SLCO1B3: variants seen among roughly 807,000 people sequenced by gnomAD.
SLCO1B3 encodes the protein liver-specific organic anion transporter 2.
SLCO1B3 carries 72 observed loss-of-function variants against 71.8 expected under a neutral mutation model. That is an observed-to-expected ratio of 1.00 (90% CI 0.83 to 1.22). SLCO1B3 has a LOEUF of 1.22. SLCO1B3 is among the 50% of genes most tolerant of loss of function. SLCO1B3 has a pLI of 0.00. For synonymous variants in SLCO1B3, 298 were observed against 278.4 expected, an observed-to-expected ratio of 1.07 and a Z score of -0.70; for missense variants, 911 against 819.7, an observed-to-expected ratio of 1.11 and a Z score of -1.36.
chr12:20,826,823 A>G (rs893626676), intron 3 of SLCO1B3, among the ~76,000 whole-genome samples: 1 of 152,030 alleles, frequency 6.6e-6, no homozygotes, highest in African/African-American at 2.4e-5. Flanking sequence ...TGTTTCATAA[A>G]CTTTAGCCTT....
chr12:20,815,933 C>A (rs555227672), intron 3 of SLCO1B3, 111 bp downstream of exon 3: 19 of 527,758 alleles, frequency 3.6e-5, no homozygotes, highest in Non-Finnish European at 4.6e-5. Flanking sequence ...ACAATTTTTC[C>A]ATTGAAGCGT....
intron 3 of SLCO1B3, among the ~76,000 whole-genome samples, chr12:20,835,689 C>G (rs1181134981): frequency 1.3e-5 from 2 of 152,178 alleles, no homozygotes; most frequent in Non-Finnish European, 1.5e-5. Flanking sequence ...TTCAACAAGT[C>G]TCTTGGAAGT....
At position 20,862,905 on chromosome 12, in the gene SLCO1B3, C is replaced by T. The variant is rs374060675; in HGVS notation, c.727+51C>T. On this transcript the variant is annotated intron_variant, in intron 8 of 15. Coordinates refer to ENST00000381545, the MANE Select transcript of SLCO1B3 (RefSeq NM_019844.4). ...ATGATAGTGTCTTTTAAGTGCAGGA[C>T]ACCATTCTTCCAAAGAATTAAATTC... The T allele has an allele frequency of 4.6e-5, 43 of 936,990 alleles. No homozygotes were observed. In the African/African-American group the frequency reaches 6.3e-4, roughly 14 times the overall value. 58.0% of individuals were successfully genotyped at this position (936,990 alleles called of 1,614,324 possible).
At chr12:20,857,638 T>C (rs942221238) in intron 4 of SLCO1B3, among the ~76,000 whole-genome samples, 9 of 151,920 alleles carry the variant, frequency 5.9e-5, no homozygotes, top group Non-Finnish European at 1.2e-4. Context: ...ACTAACAGGA[T>C]TTTTTTTAAA....
At position 20,912,439 on chromosome 12, in the gene SLCO1B3, G is replaced by A. The variant is rs1031455477; in HGVS notation, c.1866-3565G>A. Among the ~76,000 whole-genome samples, 17 of 149,602 alleles carry A rather than the reference G, an allele frequency of 1.1e-4. 1 individual carries two copies. The highest frequency in any genetic ancestry group is 1.6e-4 in the Non-Finnish European group (11 of 67,570). On this transcript the variant is annotated intron_variant, in intron 15 of 15. Transcript: ENST00000381545. ...TGCTTCCTGGGTTCAAACAATTCTC[G>A]TGTCTTGGCCTTCTGAGTAGCGGGG...
intron 4 of SLCO1B3, among the ~76,000 whole-genome samples, chr12:20,855,424 A>T (rs1051688742): frequency 6.6e-6 from 1 of 152,070 alleles, no homozygotes; most frequent in African/African-American, 2.4e-5. Context: ...ACAAAGAATT[A>T]TCCTTCCCAA....
intron 13 of SLCO1B3, among the ~76,000 whole-genome samples, chr12:20,894,181 T>G (rs766357700): frequency 3.9e-5 from 6 of 152,194 alleles, no homozygotes; most frequent in Non-Finnish European, 8.8e-5. Flanking sequence ...ATAGCACATT[T>G]AACTTCTTAG....
intron 15 of SLCO1B3, among the ~76,000 whole-genome samples, chr12:20,903,682 C>T (rs1866173950): frequency 6.6e-6 from 1 of 152,140 alleles, no homozygotes; most frequent in Non-Finnish European, 1.5e-5. Flanking sequence ...GAGAAATCCA[C>T]CCCCAAGATC....
At chr12:20,868,615 T>G (rs1380300941) in intron 8 of SLCO1B3, among the ~76,000 whole-genome samples, 1 of 151,742 alleles carries the variant, frequency 6.6e-6, no homozygotes, top group Non-Finnish European at 1.5e-5. Context: ...GGTGGGTCTC[T>G]TACTGTGTGC....
intron 14 of SLCO1B3, among the ~76,000 whole-genome samples, chr12:20,900,999 A>G (rs1866119235): frequency 6.6e-6 from 1 of 152,204 alleles, no homozygotes; most frequent in African/African-American, 2.4e-5. Flanking sequence ...AAAATTCCAT[A>G]TGAACCAACA....
intron 13 of SLCO1B3, among the ~76,000 whole-genome samples, chr12:20,888,532 T>C (rs1208343167): frequency 6.6e-6 from 1 of 152,086 alleles, no homozygotes; most frequent in Non-Finnish European, 1.5e-5. Flanking sequence ...TTTTGTACAT[T>C]GGTTTTGTAT....
At position 20,815,411 on chromosome 12, in the gene SLCO1B3, G is replaced by T. The variant is rs374041303; in HGVS notation, c.-65-263G>T. 2.0e-5 allele frequency among the ~76,000 whole-genome samples: 3 copies of T among 151,882 alleles called. No homozygotes were observed. The East Asian group carries it at 5.8e-4, about 29-fold the overall frequency. ...TTGTTGTTCATACAATCTAGTGTGT[G>T]GTTTTATATTATTTACTTGTTTCAA... is the stretch of plus-strand genomic sequence containing the variant. On this transcript the variant is annotated intron_variant, in intron 2 of 15. Transcript: ENST00000381545.
intron 13 of SLCO1B3, among the ~76,000 whole-genome samples, chr12:20,894,377 G>A (rs1329887718): frequency 6.6e-6 from 1 of 152,078 alleles, no homozygotes; most frequent in Admixed American, 6.6e-5. Context: ...GTGGATGTAG[G>A]GGTGAGTGTG....
intron 15 of SLCO1B3, among the ~76,000 whole-genome samples, chr12:20,909,554 T>C (rs568079785): frequency 6.6e-6 from 1 of 152,212 alleles, no homozygotes; most frequent in African/African-American, 2.4e-5. Context: ...GGCCTACTTT[T>C]TAACTGTTTT....
intron 15 of SLCO1B3, chr12:20,902,409 C>A (rs1428012635): frequency 6.6e-6 from 1 of 152,280 alleles, no homozygotes; most frequent in African/African-American, 2.4e-5. Flanking sequence ...TTGTAGTTCT[C>A]TAATAATTAG....
chr12:20,835,497 C>G (rs750802411), intron 3 of SLCO1B3, among the ~76,000 whole-genome samples: 10 of 152,128 alleles, frequency 6.6e-5, no homozygotes, highest in Non-Finnish European at 1.3e-4. Context: ...CCTAAATCAT[C>G]TCTCTCAAGT....
intron 13 of SLCO1B3, among the ~76,000 whole-genome samples, chr12:20,886,898 G>A (rs988446353): frequency 1.3e-4 from 20 of 152,006 alleles, no homozygotes; most frequent in Non-Finnish European, 2.8e-4. Context: ...GGTCTCCAAT[G>A]TCAATTATTC....
At chr12:20,910,574 C>T (rs1268686058) in intron 15 of SLCO1B3, among the ~76,000 whole-genome samples, 3 of 152,108 alleles carry the variant, frequency 2.0e-5, no homozygotes, top group Non-Finnish European at 4.4e-5. Flanking sequence ...TTGAGTCTTA[C>T]GATACTGTAC....
At chr12:20,842,858 A>G (rs1864831829) in intron 3 of SLCO1B3, among the ~76,000 whole-genome samples, 1 of 152,128 alleles carries the variant, frequency 6.6e-6, no homozygotes, top group Non-Finnish European at 1.5e-5. Flanking sequence ...AGACTTCGAG[A>G]AGTGATTAGG....
Sources: gnomAD v4.1 joint callset for allele counts (sites outside exome capture counted in the v4.1 genomes callset) on GRCh38, gnomAD v4.1.1 for gene constraint, MANE v1.5 for transcripts, NCBI Gene and HGNC (gene_info 2026-07-23, HGNC 2026-07-21) for gene names.